Variants in GPC5 observed in about 807,000 individuals in gnomAD.
GPC5 encodes glypican 5.
GPC5 carries 47 observed loss-of-function variants against 53.9 expected under a neutral mutation model. The ratio of observed to expected loss-of-function variants is 0.87; its 90% CI spans 0.69 to 1.11. The LOEUF is 1.11. GPC5 is among the 50% of genes most tolerant of loss of function. GPC5 has a pLI of 0.00. For missense variants in GPC5, 748 were observed against 713.1 expected, an observed-to-expected ratio of 1.05 and a Z score of -0.56; for synonymous variants, 286 against 263.3, an observed-to-expected ratio of 1.09 and a Z score of -0.84.
At chr13:91,796,470 C>T (rs1489099824) in intron 5 of GPC5, among the ~76,000 whole-genome samples, 6 of 152,156 alleles carry the variant, frequency 3.9e-5, no homozygotes, top group Admixed American at 3.9e-4. Context: ...AAACAGAGCT[C>T]CCATACAACA....
chr13:92,299,539 T>C (rs1326861708), intron 7 of GPC5, among the ~76,000 whole-genome samples: 1 of 152,214 alleles, frequency 6.6e-6, no homozygotes, highest in East Asian at 1.9e-4. Flanking sequence ...ATCATACTAG[T>C]AACATATTTC....
chr13:91,631,598 A>T (rs922959797), intron 2 of GPC5, among the ~76,000 whole-genome samples: 3 of 151,910 alleles, frequency 2.0e-5, no homozygotes, highest in Non-Finnish European at 4.4e-5. Context: ...GTGAGCTGCA[A>T]CTCTTTTAAA....
At chr13:91,678,799 A>G (rs950787082) in intron 2 of GPC5, among the ~76,000 whole-genome samples, 1 of 152,004 alleles carries the variant, frequency 6.6e-6, no homozygotes, top group African/African-American at 2.4e-5. Flanking sequence ...GATTGAGGTA[A>G]GTTATCATTA....
chr13:91,924,966 C>T (rs1240591828), intron 6 of GPC5, among the ~76,000 whole-genome samples: 1 of 151,676 alleles, frequency 6.6e-6, no homozygotes, highest in Non-Finnish European at 1.5e-5. Context: ...AGTACAGGTG[C>T]CTGCCAACAC....
At chr13:92,243,375 T>G (rs142079836) in intron 7 of GPC5, among the ~76,000 whole-genome samples, 1 of 152,088 alleles carries the variant, frequency 6.6e-6, no homozygotes, top group Non-Finnish European at 1.5e-5. Context: ...AAATTTTCTG[T>G]TTTCAAGAAG....
chr13:92,011,826 T>C (rs2040664656), intron 6 of GPC5, among the ~76,000 whole-genome samples: 1 of 152,226 alleles, frequency 6.6e-6, no homozygotes, highest in Admixed American at 6.5e-5. Context: ...ATTTTACAAA[T>C]TGAGTGGACA....
intron 2 of GPC5, among the ~76,000 whole-genome samples, chr13:91,554,058 A>G (rs1195585977): frequency 6.6e-6 from 1 of 152,050 alleles, no homozygotes; most frequent in Non-Finnish European, 1.5e-5. Flanking sequence ...CCTTTGTCCT[A>G]TCATTCCCTT....
intron 7 of GPC5, among the ~76,000 whole-genome samples, chr13:92,371,482 T>C (rs929579186): frequency 6.6e-6 from 1 of 152,104 alleles, no homozygotes; most frequent in Non-Finnish European, 1.5e-5. Context: ...AGGGGTGTAT[T>C]AGTCTGTTCT....
In GPC5 at chr13:92,392,500, TATC is replaced by T. The variant is rs1453802619; in HGVS notation, c.1561+247514_1561+247516del. 1.1e-4 allele frequency among the ~76,000 whole-genome samples: 16 copies of T among 151,912 alleles called. No homozygotes were observed. The South Asian group carries it at 3.1e-3, about 30-fold the overall frequency. On this transcript the variant is annotated intron_variant, in intron 7 of 7. Transcript: ENST00000377067. ...TCCTGGACATAGGAATGGGTGAAAATATCATAACAAAGACACCCAAAGCAATTG... is the reference window on the plus strand; with the variant it reads ...TCCTGGACATAGGAATGGGTGAAAATATAACAAAGACACCCAAAGCAATTG...
At chr13:92,185,174 A>G (rs908040816) in intron 7 of GPC5, among the ~76,000 whole-genome samples, 1 of 152,152 alleles carries the variant, frequency 6.6e-6, no homozygotes, top group South Asian at 2.1e-4. Context: ...GTCATTCAAT[A>G]TCCTGGGACC....
chr13:92,431,857 C>T (rs769350621), intron 7 of GPC5, among the ~76,000 whole-genome samples: 6 of 151,950 alleles, frequency 3.9e-5, no homozygotes, highest in East Asian at 1.9e-4. Context: ...GCTGATGAGG[C>T]GAGAGTTGGT....
At chr13:92,683,598 A>C (rs1467233320) in intron 7 of GPC5, among the ~76,000 whole-genome samples, 1 of 152,194 alleles carries the variant, frequency 6.6e-6, no homozygotes, top group East Asian at 1.9e-4. Context: ...CATATATGAA[A>C]AATTTACTTT....
intron 7 of GPC5, among the ~76,000 whole-genome samples, chr13:92,282,771 C>T (rs1430373801): frequency 1.3e-5 from 2 of 152,122 alleles, no homozygotes; most frequent in Non-Finnish European, 2.9e-5. Flanking sequence ...ACAAAAGATA[C>T]CGGCCACTGC....
chr13:92,766,883 T>A (rs1863583394), intron 7 of GPC5, among the ~76,000 whole-genome samples: 1 of 152,240 alleles, frequency 6.6e-6, no homozygotes, highest in Admixed American at 6.5e-5. Flanking sequence ...ATTGCTTGGG[T>A]TCTATTTTCT....
At chr13:91,842,691 C>T (rs1225864471) in intron 5 of GPC5, among the ~76,000 whole-genome samples, 1 of 108,528 alleles carries the variant, frequency 9.2e-6, no homozygotes, top group Non-Finnish European at 1.7e-5. Context: ...GGAGACACAG[C>T]GAGACTCCGT....
At chr13:91,465,817 A>G (rs1483434050) in intron 2 of GPC5, among the ~76,000 whole-genome samples, 3 of 152,130 alleles carry the variant, frequency 2.0e-5, no homozygotes, top group Non-Finnish European at 4.4e-5. Flanking sequence ...ATTTTACCCA[A>G]TTTAAATGCT....
chr13:91,951,568 A>G (rs961655427), intron 6 of GPC5, among the ~76,000 whole-genome samples: 6 of 152,168 alleles, frequency 3.9e-5, no homozygotes, highest in Non-Finnish European at 5.9e-5. Flanking sequence ...GAATACCTAA[A>G]TAGAATTTTG....
intron 2 of GPC5, among the ~76,000 whole-genome samples, chr13:91,638,926 A>C (rs1009330317): frequency 6.6e-6 from 1 of 152,150 alleles, no homozygotes; most frequent in Non-Finnish European, 1.5e-5. Flanking sequence ...CTGAATTTGA[A>C]CTCTTTTCTT....
chr13:92,606,376 T>A (rs1884261527), intron 7 of GPC5, among the ~76,000 whole-genome samples: 1 of 152,196 alleles, frequency 6.6e-6, no homozygotes, highest in Non-Finnish European at 1.5e-5. Flanking sequence ...CCCAGAATGA[T>A]GGTTCCCAGC....
Sources: gnomAD v4.1 joint callset for allele counts (sites outside exome capture counted in the v4.1 genomes callset) on GRCh38, gnomAD v4.1.1 for gene constraint, MANE v1.5 for transcripts, NCBI Gene and HGNC (gene_info 2026-07-23, HGNC 2026-07-21) for gene names.